The following GRM4 variants were observed in gnomAD, a reference collection of about 807,000 sequenced individuals.
GRM4 encodes the protein glutamate metabotropic receptor 4, also known as metabotropic glutamate receptor 4.
A neutral mutation model predicts 81.7 loss-of-function variants in GRM4; 28 were observed. That is an observed-to-expected ratio of 0.34 (90% CI 0.25 to 0.47). The LOEUF (loss-of-function observed/expected upper bound fraction) is 0.47, where lower values mean the gene tolerates loss of function less well. Among genes scored for constraint, GRM4 ranks in the 20% least tolerant of loss-of-function variants. GRM4 has a pLI of 1.00. For synonymous variants in GRM4, 488 were observed against 528.8 expected (o/e 0.92, Z 1.06); for missense variants, 948 against 1,290.0 (o/e 0.73, Z 4.06).
Position 34,040,220 on chromosome 6 carries a change from C to G in GRM4, c.1464G>C (p.Glu488Asp), listed in dbSNP as rs531031558. ...CAGTCCAGGAGCCAATGACCTTGTA[C>G]TCGGCAGAATCGTTGCGCAGCTGGT... ...YQYQLRNDSA[E>D]YKVIGSWTDH... The change falls in exon 8 of 11, where the codon GAG (glutamate) becomes GAC (aspartate). Residue 488 changes from glutamate (E) to aspartate (D), a missense_variant. Glu to Asp is a conservative substitution (Grantham distance 45). Coordinates refer to ENST00000538487, the MANE Select transcript of GRM4 (RefSeq NM_000841.4). 6.2e-7 allele frequency: 1 copy of G among 1,614,114 alleles called. No homozygotes were observed. Among genetic ancestry groups the G allele is most frequent in the South Asian group, 1.1e-5 (1 of 91,086 alleles).
rs985442429 is a variant in GRM4 at position 34,152,939 on chromosome 6, G to A, written c.312+2140C>T. ...CTGGGGGTGGAGTAGGTGGCACACC[G>A]GAGCCCTTGCTGCATGCCAGGTGCT... On this transcript the variant is annotated intron_variant, in intron 1 of 8. Transcript: ENST00000374177. This position sits in a 1 kb window ranked among gnomAD's most constrained non-coding sequence, Gnocchi z 4.1. Among the ~76,000 whole-genome samples, 47 of 152,034 alleles carry A rather than the reference G, an allele frequency of 3.1e-4. No individual in the cohort carries two copies. Among genetic ancestry groups the A allele is most frequent in the African/African-American group, 1.1e-3 (45 of 41,378 alleles).
chr6:34,134,859 C>G (rs189794181), intron 1 of GRM4, among the ~76,000 whole-genome samples: 31 of 152,308 alleles, frequency 2.0e-4, no homozygotes, highest in African/African-American at 7.2e-4. Context: ...AAGAGAACAC[C>G]AGCCCTTCCT....
chr6:34,057,319 G>A (rs1039719804), intron 5 of GRM4, among the ~76,000 whole-genome samples: 4 of 152,220 alleles, frequency 2.6e-5, no homozygotes, highest in African/African-American at 9.6e-5. Context: ...AGGCACTGTG[G>A]ACTGAGCTGC....
At chr6:34,154,497 A>G (rs930259449) in intron 1 of GRM4, among the ~76,000 whole-genome samples, 3 of 152,074 alleles carry the variant, frequency 2.0e-5, no homozygotes. Context: ...TCTTTGGTCC[A>G]GCTGGTTTAC....
Position 34,035,626 on chromosome 6 carries a change from C to T in GRM4, c.2442+42G>A, listed in dbSNP as rs200714967. On this transcript the variant is annotated intron_variant, in intron 9 of 10. Transcript: ENST00000538487. This position sits in a 1 kb window ranked among gnomAD's most constrained non-coding sequence, Gnocchi z 6.6. ...TCAGGAGGCTGCCCCTTGCTCACTG[C>T]CCTCACCTACCCACCGTCCACCCCC... 4,710 of 1,266,390 alleles carry T rather than the reference C, an allele frequency of 3.7e-3. 22 individuals are homozygous for T. The highest frequency in any genetic ancestry group is 4.8e-3 in the Non-Finnish European group (4,325 of 903,982). 78.4% of individuals were successfully genotyped at this position (1,266,390 alleles called of 1,614,324 possible). A position where few individuals can be genotyped will look rare whatever the true frequency, so the allele number is the denominator to read the frequency against.
intron 10 of GRM4, among the ~76,000 whole-genome samples, chr6:34,025,482 A>T (rs993270803): frequency 1.3e-5 from 2 of 152,122 alleles, no homozygotes; most frequent in Admixed American, 1.3e-4. Flanking sequence ...GCTGCAGACT[A>T]GAGAAAGTGT....
In GRM4 at chr6:34,080,055, A is replaced by C. The variant is rs1281108090; in HGVS notation, c.736+11828T>G. Among the ~76,000 whole-genome samples the C allele has an allele frequency of 6.6e-6, 1 of 151,886 alleles. No homozygotes were observed. Among genetic ancestry groups the C allele is most frequent in the Admixed American group, 6.6e-5 (1 of 15,244 alleles). On this transcript the variant is annotated intron_variant, in intron 3 of 10. Coordinates refer to ENST00000538487, the MANE Select transcript of GRM4 (RefSeq NM_000841.4). The surrounding 1 kb of genome is among the most constrained non-coding windows in gnomAD (Gnocchi z 5.4). ...CTCCGGCCGTATGTCTCCCTGCCTC[A>C]CTCATTCTGCCCCTGCCTCCTGGTT...
chr6:34,139,337 G>C (rs55883137), intron 1 of GRM4, among the ~76,000 whole-genome samples: 3,167 of 152,348 alleles, frequency 0.021, 58 homozygotes, highest in African/African-American at 0.05. Flanking sequence ...GGGAAAAAAG[G>C]AAGGTAATTC....
At chr6:34,065,133 A>G (rs1222992433) in intron 3 of GRM4, among the ~76,000 whole-genome samples, 1 of 152,112 alleles carries the variant, frequency 6.6e-6, no homozygotes, top group Non-Finnish European at 1.5e-5. Context: ...GTGTGCACAC[A>G]TGTGTCCACA....
intron 2 of GRM4, among the ~76,000 whole-genome samples, 194 bp downstream of exon 2, chr6:34,132,784 A>G (rs1770295568): frequency 6.6e-6 from 1 of 152,180 alleles, no homozygotes; most frequent in African/African-American, 2.4e-5. Flanking sequence ...CTGTGCTGAG[A>G]CCACAAGACA....
chr6:34,092,243 C>T lies in GRM4; in HGVS notation c.520-144G>A. Reference sequence around the variant, plus strand: ...CACCCCTCCCCATGGGCGATGCCTCCTCCTCCAGAAAGTCTCCCAACCGGC... The same window carrying T: ...CACCCCTCCCCATGGGCGATGCCTCTTCCTCCAGAAAGTCTCCCAACCGGC... On this transcript the variant is annotated intron_variant, in intron 2 of 10. Coordinates refer to ENST00000538487, the MANE Select transcript of GRM4 (RefSeq NM_000841.4). This position sits in a 1 kb window ranked among gnomAD's most constrained non-coding sequence, Gnocchi z 6.8. The T allele has an allele frequency of 1.6e-6, 1 of 614,060 alleles. No homozygotes were observed. The allele number at this position is 614,060 out of a possible 1,614,324, so 38.0% of individuals were successfully genotyped here. A position where few individuals can be genotyped will look rare whatever the true frequency, so the allele number is the denominator to read the frequency against.
At position 34,036,343 on chromosome 6, in the gene GRM4, C is replaced by T; in HGVS notation, c.1767G>A (p.Val589=). The T allele has an allele frequency of 6.2e-7, 1 of 1,613,900 alleles. No homozygotes were observed. Among genetic ancestry groups the T allele is most frequent in the East Asian group, 2.2e-5 (1 of 44,878 alleles). The part of the protein sequence containing the change: ...IKLEWGSPWA[V]LPLFLAVVGI... ...CCACCACGGCCAGGAAGAGGGGCAG[C>T]ACGGCCCAGGGCGAGCCCCACTCAA... The change falls in exon 9 of 11, where the codon GTG becomes GTA. Residue 589 remains valine (V), a synonymous_variant. Transcript: ENST00000538487. This position sits in a 1 kb window ranked among gnomAD's most constrained non-coding sequence, Gnocchi z 9.0.
intron 3 of GRM4, among the ~76,000 whole-genome samples, chr6:34,072,562 G>C (rs1254635108): frequency 6.7e-6 from 1 of 148,388 alleles, no homozygotes; most frequent in Non-Finnish European, 1.5e-5. Flanking sequence ...TCACCACACA[G>C]ATACACAACA....
rs552321557 is a variant in GRM4, at chr6:34,093,042, C to T, written c.520-943G>A. ...CAGGGACACTCCTCTTTCCTGTGTG[C>T]CCTCTGCCCGCTCAGTTGTCCAGGG... On this transcript the variant is annotated intron_variant, in intron 2 of 10. Transcript: ENST00000538487. 9.2e-5 allele frequency among the ~76,000 whole-genome samples: 14 copies of T among 152,296 alleles called. No homozygotes were observed. The East Asian group carries it at 2.7e-3, about 29-fold the overall frequency.
At chr6:34,153,221 C>G (rs1217148336) in intron 1 of GRM4, among the ~76,000 whole-genome samples, 1 of 152,216 alleles carries the variant, frequency 6.6e-6, no homozygotes, top group Non-Finnish European at 1.5e-5. Context: ...TCTCCTCAGC[C>G]CTCCCTACCT....
intron 6 of GRM4, among the ~76,000 whole-genome samples, chr6:34,044,413 GAC>G (rs1174464170): frequency 3.5e-5 from 3 of 84,884 alleles, no homozygotes; most frequent in African/African-American, 9.3e-5. Flanking sequence ...TATATACACA[GAC>G]ACACACATAC....
At position 34,083,942 on chromosome 6, in the gene GRM4, C is replaced by T. The variant is rs866195694; in HGVS notation, c.736+7941G>A. Among the ~76,000 whole-genome samples the T allele has an allele frequency of 2.0e-5, 3 of 152,208 alleles. No individual in the cohort carries two copies. The South Asian group carries it at 6.2e-4, about 32-fold the overall frequency. On this transcript the variant is annotated intron_variant, in intron 3 of 10. Coordinates refer to ENST00000538487, the MANE Select transcript of GRM4 (RefSeq NM_000841.4). ...GGCCCCAATCATTCCTGAACCGAAA[C>T]GCCAAGCCCTGAGGGGTCACCCCTG...
intron 2 of GRM4, among the ~76,000 whole-genome samples, chr6:34,120,787 G>T (rs1241419778): frequency 6.6e-6 from 1 of 152,110 alleles, no homozygotes; most frequent in African/African-American, 2.4e-5. Flanking sequence ...ATAGAGACAG[G>T]GTTTCATTGT....
At chr6:34,062,135 C>T in intron 3 of GRM4, 107 bp from the exon 4 acceptor site, 1 of 1,228,772 alleles carries the variant, frequency 8.1e-7, no homozygotes, top group East Asian at 2.5e-5. Flanking sequence ...TGCCCAGGCT[C>T]CCCAGCCTGA....
Sources: gnomAD v4.1 joint callset for allele counts (sites outside exome capture counted in the v4.1 genomes callset) on GRCh38, gnomAD v4.1.1 for gene constraint, Gnocchi (gnomAD v3.1) non-coding constraint, MANE v1.5 for transcripts, NCBI Gene and HGNC (gene_info 2026-07-23, HGNC 2026-07-21) for gene names.